The following FARS2 variants were observed in gnomAD, a reference collection of about 807,000 sequenced individuals.
FARS2 encodes the protein phenylalanyl-tRNA synthetase 2, mitochondrial, also known as phenylalanine--tRNA ligase, mitochondrial.
Under a neutral mutation model 46.4 loss-of-function variants are expected in FARS2, and 40 were observed. That is an observed-to-expected ratio of 0.86 (90% confidence interval 0.67 to 1.12). The LOEUF (loss-of-function observed/expected upper bound fraction) is 1.12. Among genes scored for constraint, FARS2 ranks in the 50% most tolerant of loss-of-function variants. FARS2 has a pLI of 0.00. For synonymous variants in FARS2, 234 were observed against 214.9 expected (o/e 1.09, Z -0.78); for missense variants, 513 against 567.9 (o/e 0.90, Z 0.98).
At chr6:5,299,650 C>T (rs1459876454) in intron 1 of FARS2, among the ~76,000 whole-genome samples, 3 of 152,170 alleles carry the variant, frequency 2.0e-5, no homozygotes, top group Admixed American at 6.5e-5. Flanking sequence ...TCGTCATTTA[C>T]ATTGTGTATG....
At chr6:5,435,954 A>T (rs960696642) in intron 4 of FARS2, among the ~76,000 whole-genome samples, 1 of 152,232 alleles carries the variant, frequency 6.6e-6, no homozygotes, top group African/African-American at 2.4e-5. Flanking sequence ...TTGAAGGATC[A>T]TTATTGGCTT....
chr6:5,548,125 G>C (rs1236681827), intron 5 of FARS2, among the ~76,000 whole-genome samples: 1 of 152,158 alleles, frequency 6.6e-6, no homozygotes, highest in Non-Finnish European at 1.5e-5. Flanking sequence ...CAGATCTTGT[G>C]AGACTTAATC....
At chr6:5,757,212 C>T (rs1399360555) in intron 6 of FARS2, among the ~76,000 whole-genome samples, 4 of 151,920 alleles carry the variant, frequency 2.6e-5, no homozygotes, top group Non-Finnish European at 5.9e-5. Context: ...GAAGAGAACA[C>T]TTCTTTTCAC....
intron 6 of FARS2, among the ~76,000 whole-genome samples, chr6:5,649,512 G>T (rs116795389): frequency 0.01 from 1,572 of 152,274 alleles, 41 homozygotes; most frequent in African/African-American, 0.036. Flanking sequence ...AGGCTGCTGG[G>T]GGCTTCATTC....
chr6:5,370,094 G>A (rs557915202), intron 2 of FARS2, among the ~76,000 whole-genome samples: 3 of 152,048 alleles, frequency 2.0e-5, no homozygotes, highest in Non-Finnish European at 4.4e-5. Flanking sequence ...AATTATTATC[G>A]TCACAAAACT....
At chr6:5,495,063 G>C (rs1276987382) in intron 4 of FARS2, among the ~76,000 whole-genome samples, 1 of 152,204 alleles carries the variant, frequency 6.6e-6, no homozygotes, top group Non-Finnish European at 1.5e-5. Flanking sequence ...ATGTCTGCCA[G>C]AGCAGAGAAC....
At chr6:5,423,324 T>G (rs986533988) in intron 3 of FARS2, among the ~76,000 whole-genome samples, 2 of 151,858 alleles carry the variant, frequency 1.3e-5, no homozygotes, top group African/African-American at 4.8e-5. Flanking sequence ...TACCCAGATT[T>G]CAGAATGAGG....
chr6:5,344,623 G>A (rs1225465241), intron 1 of FARS2, among the ~76,000 whole-genome samples: 1 of 152,208 alleles, frequency 6.6e-6, no homozygotes, highest in African/African-American at 2.4e-5. Context: ...ACCAGAGGCA[G>A]TGAAGTGAGA....
At chr6:5,423,470 A>G (rs73718102) in intron 3 of FARS2, among the ~76,000 whole-genome samples, 1 of 152,052 alleles carries the variant, frequency 6.6e-6, no homozygotes, top group Admixed American at 6.6e-5. Context: ...GTGAAACTGC[A>G]CTTGCACACA....
chr6:5,400,711 TTTATC>T (rs980556554), intron 2 of FARS2, among the ~76,000 whole-genome samples: 6 of 152,116 alleles, frequency 3.9e-5, no homozygotes, highest in Non-Finnish European at 5.9e-5. Flanking sequence ...TTTTAGGTCT[TTTATC>T]TTATTAATTT....
intron 1 of FARS2, among the ~76,000 whole-genome samples, chr6:5,365,082 A>C (rs1248887963): frequency 1.3e-5 from 2 of 151,476 alleles, no homozygotes; most frequent in Non-Finnish European, 2.9e-5. Flanking sequence ...AAAAAAAAAA[A>C]CCCCAAACAG....
At chr6:5,594,880 T>C (rs965657681) in intron 5 of FARS2, among the ~76,000 whole-genome samples, 1 of 152,182 alleles carries the variant, frequency 6.6e-6, no homozygotes, top group African/African-American at 2.4e-5. Flanking sequence ...TGGTTGCCAG[T>C]GTATAGGAGC....
At position 5,456,747 on chromosome 6, in the gene FARS2, A is replaced by AG. The variant is rs1554187517; in HGVS notation, c.904+25575_904+25576insG. Among the ~76,000 whole-genome samples the AG allele has an allele frequency of 2.6e-5, 4 of 151,252 alleles. No homozygotes were observed. In the East Asian group the frequency reaches 7.8e-4, roughly 29 times the overall value. ...CTCCATCTCAAAAAAAAAAAAAAAA[A>AG]AGAGATGGGCAGGGTCATTAGCAGG... On this transcript the variant is annotated intron_variant, in intron 4 of 6. Coordinates refer to ENST00000274680, the MANE Select transcript of FARS2 (RefSeq NM_006567.5).
At position 5,646,461 on chromosome 6, in the gene FARS2, G is replaced by A. The variant is rs188722901; in HGVS notation, c.1217+33141G>A. Reference sequence around the variant, plus strand: ...TGGTCCACTCCAGCATTGCCGGTCTGTGGTCTATGCGTGATGGCCTTGGAT... The same window carrying A: ...TGGTCCACTCCAGCATTGCCGGTCTATGGTCTATGCGTGATGGCCTTGGAT... On this transcript the variant is annotated intron_variant, in intron 6 of 6. Coordinates refer to ENST00000274680, the MANE Select transcript of FARS2 (RefSeq NM_006567.5). Among the ~76,000 whole-genome samples the A allele has an allele frequency of 1.8e-3, 278 of 152,280 alleles. 2 individuals carry two copies. The highest frequency in any genetic ancestry group is 6.4e-3 in the African/African-American group (267 of 41,554).
In FARS2 at chr6:5,732,666, A is replaced by T. The variant is rs146685713; in HGVS notation, c.1218-38625A>T. On this transcript the variant is annotated intron_variant, in intron 6 of 6. Transcript: ENST00000274680. ...GCGGAGCCCGGGAGCAAGAGCCCTG[A>T]TCCCCGGACACATCAAGCTTTCCTG... is the stretch of plus-strand genomic sequence containing the variant. Among the ~76,000 whole-genome samples the T allele has an allele frequency of 2.0e-3, 306 of 152,312 alleles. 4 individuals are homozygous for T. The highest frequency in any genetic ancestry group is 6.7e-3 in the African/African-American group (279 of 41,572).
At chr6:5,427,341 G>A (rs1762909312) in intron 3 of FARS2, among the ~76,000 whole-genome samples, 1 of 152,228 alleles carries the variant, frequency 6.6e-6, no homozygotes, top group African/African-American at 2.4e-5. Context: ...CAGGACATTG[G>A]TGTAGGCAAA....
chr6:5,771,140 A>G (rs1388431551), intron 6 of FARS2, 151 bp from the exon 7 acceptor site: 1 of 763,384 alleles, frequency 1.3e-6, no homozygotes, highest in Non-Finnish European at 2.1e-6. Flanking sequence ...CCCCCTGTAT[A>G]AGATGCAGAT....
At chr6:5,766,049 A>G (rs1195344032) in intron 6 of FARS2, among the ~76,000 whole-genome samples, 3 of 152,340 alleles carry the variant, frequency 2.0e-5, no homozygotes, top group East Asian at 3.9e-4. Flanking sequence ...AAATTTTTTT[A>G]GAATCTCTCT....
At chr6:5,654,562 A>G (rs1042756207) in intron 6 of FARS2, among the ~76,000 whole-genome samples, 1 of 152,158 alleles carries the variant, frequency 6.6e-6, no homozygotes, top group African/African-American at 2.4e-5. Context: ...ACCGAAAAGC[A>G]TTAAGACTCG....
Sources: gnomAD v4.1 joint callset for allele counts (sites outside exome capture counted in the v4.1 genomes callset) on GRCh38, gnomAD v4.1.1 for gene constraint, MANE v1.5 for transcripts, NCBI Gene and HGNC (gene_info 2026-07-23, HGNC 2026-07-21) for gene names.